Variants in PLCXD1 observed in about 807,000 individuals in gnomAD.
The protein encoded by PLCXD1 is PI-PLC X domain-containing protein 1.
Under a neutral mutation model 37.8 loss-of-function variants are expected in PLCXD1, and 45 were observed. The observed-to-expected ratio is 1.19, with a 90% CI of 0.94 to 1.53. PLCXD1 has a LOEUF of 1.53. Ranked by LOEUF, PLCXD1 falls within the 40% of genes most tolerant of loss-of-function variation. The pLI is 0.00. For missense variants in PLCXD1, 539 were observed against 454.7 expected (o/e 1.19, Z -1.69); for synonymous variants, 246 against 206.9 (o/e 1.19, Z -1.62).
In PLCXD1 at chrX:302,744, TTG is replaced by T. The variant is rs1420672946; in HGVS notation, c.*3415_*3416del. ...GCCCGCCACCACGCCCGGATAATTT[TTG>T]TGTGTTTAGCAGAGACGGGGTTTCA... On this transcript the variant is annotated 3_prime_UTR_variant, in exon 7 of 7. Transcript: ENST00000381657. 1 of 151,948 alleles carries T rather than the reference TTG, an allele frequency of 6.6e-6. No homozygotes were observed. Among genetic ancestry groups the T allele is most frequent in the Non-Finnish European group, 1.5e-5 (1 of 68,010 alleles). 9.4% of individuals were successfully genotyped at this position (151,948 alleles called of 1,614,324 possible). A position where few individuals can be genotyped will look rare whatever the true frequency, so the allele number is the denominator to read the frequency against.
chrX:285,718 C>T (rs2069433800), intron 2 of PLCXD1, among the ~76,000 whole-genome samples: 1 of 152,110 alleles, frequency 6.6e-6, no homozygotes, highest in South Asian at 2.1e-4. Context: ...CAGGCACACA[C>T]ATGCACACTC....
chrX:289,149 G>A (rs1218630933), intron 3 of PLCXD1, among the ~76,000 whole-genome samples: 8 of 151,918 alleles, frequency 5.3e-5, no homozygotes, highest in African/African-American at 9.7e-5. Context: ...GTGCAGTGGC[G>A]TGATCTCGGC....
At chrX:278,037 T>C (rs1361363128), upstream of PLCXD1, among the ~76,000 whole-genome samples, 1 of 65,044 alleles carries the variant, frequency 1.5e-5, no homozygotes, top group Non-Finnish European at 2.7e-5. Flanking sequence ...TGGGGACAGG[T>C]GTGGGGATAG....
intron 6 of PLCXD1, among the ~76,000 whole-genome samples, chrX:295,690 A>C (rs958088979): frequency 1.3e-5 from 2 of 151,086 alleles, no homozygotes; most frequent in African/African-American, 4.9e-5. Flanking sequence ...ACACCCGGCT[A>C]ATTTTTTTTT....
chrX:291,256 C>T (rs1283611563), intron 4 of PLCXD1, among the ~76,000 whole-genome samples: 4 of 151,944 alleles, frequency 2.6e-5, no homozygotes, highest in South Asian at 4.2e-4. Flanking sequence ...GGCAATTCTC[C>T]TGCCTCAGCC....
upstream of PLCXD1, among the ~76,000 whole-genome samples, chrX:278,823 C>T (rs2069204820): frequency 6.6e-6 from 1 of 151,858 alleles, no homozygotes; most frequent in Non-Finnish European, 1.5e-5. Flanking sequence ...GACCTGTGCC[C>T]TAGGTGGTCG....
At chrX:291,399 G>A in intron 4 of PLCXD1, 100 bp from the exon 5 acceptor site, 1 of 1,358,894 alleles carries the variant, frequency 7.4e-7, no homozygotes, top group South Asian at 1.2e-5. Flanking sequence ...ACCCGCCTCG[G>A]CCTCCCAAAT....
upstream of PLCXD1, among the ~76,000 whole-genome samples, chrX:278,310 G>C (rs1211809694): frequency 2.0e-5 from 3 of 152,094 alleles, no homozygotes; most frequent in Admixed American, 6.5e-5. Flanking sequence ...GACAGTAGCC[G>C]GAATGGATGG....
chrX:290,166 G>A (rs7058278), intron 3 of PLCXD1, among the ~76,000 whole-genome samples: 96,027 of 151,816 alleles, frequency 0.63, 31,946 homozygotes, highest in African/African-American at 0.84. Context: ...GGTGGCTCAC[G>A]CCTGTAATCC....
chrX:291,472 G>A lies in PLCXD1; in HGVS notation c.394-27G>A, dbSNP rs757333597. On this transcript the variant is annotated intron_variant, in intron 4 of 6. Transcript: ENST00000381657. ...TCCCTGTGGTGTTGGAGTCGTGCAG[G>A]ACTCAGCCCAGCACCCCCCTCCCCA... is the stretch of plus-strand genomic sequence containing the variant. 9.9e-6 allele frequency: 16 copies of A among 1,611,498 alleles called. No homozygotes were observed. In the South Asian group the frequency reaches 1.6e-4, roughly 17 times the overall value.
intron 2 of PLCXD1, among the ~76,000 whole-genome samples, chrX:287,772 T>C (rs2069505426): frequency 6.7e-6 from 1 of 148,414 alleles, no homozygotes; most frequent in Non-Finnish European, 1.5e-5. Flanking sequence ...GATATATTTA[T>C]ATCTATATTT....
chrX:289,542 T>TCG (rs1008722971), intron 3 of PLCXD1, among the ~76,000 whole-genome samples: 2 of 140,022 alleles, frequency 1.4e-5, no homozygotes, highest in Non-Finnish European at 3.0e-5. Flanking sequence ...AGACGGAGTC[T>TCG]CACTGCCGCC....
intron 6 of PLCXD1, among the ~76,000 whole-genome samples, chrX:293,500 C>G (rs770907874): frequency 6.6e-6 from 1 of 152,144 alleles, no homozygotes; most frequent in Non-Finnish European, 1.5e-5. Context: ...TGGTTCATGC[C>G]TGTCATCCTA....
intron 6 of PLCXD1, 48 bp from the exon 7 acceptor site, chrX:299,049 G>A (rs771511867): frequency 4.0e-5 from 54 of 1,365,004 alleles, no homozygotes; most frequent in South Asian, 3.7e-4. Context: ...AGAAACAGGC[G>A]GGTGAGGCCC....
intron 2 of PLCXD1, among the ~76,000 whole-genome samples, chrX:284,541 C>A (rs2069382612): frequency 6.6e-6 from 1 of 151,992 alleles, no homozygotes; most frequent in African/African-American, 2.4e-5. Context: ...GACATGCATA[C>A]ACACAGGCAT....
rs747976329 is a variant in PLCXD1 at position 284,292 on chromosome X, C to T, written c.105C>T (p.Pro35=). The T allele has an allele frequency of 6.2e-6, 10 of 1,613,228 alleles. No individual in the cohort carries two copies. In the African/African-American group the frequency reaches 6.7e-5, roughly 11 times the overall value. The part of the protein sequence containing the change: ...SALCPRLWDV[P]LHHLSIPGSH... The stretch of plus-strand genomic sequence containing the variant: ...TGTGTCCCCGGCTCTGGGATGTGCC[C>T]CTCCACCACCTCTCCATCCCAGGTG... The change falls in exon 2 of 7, where the codon CCC becomes CCT. Residue 35 remains proline, a synonymous_variant. Transcript: ENST00000381657.
upstream of PLCXD1, among the ~76,000 whole-genome samples, chrX:276,584 TGGCCTGGACGTTGGCAGCCACAGGC>T (rs1195179223): frequency 1.1e-4 from 17 of 152,108 alleles, no homozygotes; most frequent in African/African-American, 2.4e-5. Flanking sequence ...CTGGGATCTG[TGGCCTGGACGTTGGCAGCCACAGGC>T]GGCCTGCACC....
chrX:289,513 T>C (rs1296768205), intron 3 of PLCXD1, among the ~76,000 whole-genome samples: 7 of 83,534 alleles, frequency 8.4e-5, no homozygotes, highest in South Asian at 2.8e-4. Flanking sequence ...TTTCTTTCTT[T>C]TTCTTTTTTT....
At position 288,616 on chromosome X, in the gene PLCXD1, T is replaced by C. The variant is rs747348817; in HGVS notation, c.128-117T>C. The C allele has an allele frequency of 3.9e-3, 4,288 of 1,103,152 alleles. 28 individuals are homozygous for C. The highest frequency in any genetic ancestry group is 0.012 in the Middle Eastern group (45 of 3,814). 68.3% of individuals were successfully genotyped at this position (1,103,152 alleles called of 1,614,324 possible). A position where few individuals can be genotyped will look rare whatever the true frequency, so the allele number is the denominator to read the frequency against. On this transcript the variant is annotated intron_variant, in intron 2 of 6. Transcript: ENST00000381657. The stretch of plus-strand genomic sequence containing the variant: ...CAGCGTGCACCCCTCCCGCCATACC[T>C]GTGCCTGTGCTGTGGGCGGGCAGCA...
Sources: allele counts gnomAD v4.1 joint callset (sites outside exome capture counted in the v4.1 genomes callset), GRCh38; gene constraint gnomAD v4.1.1; transcripts MANE v1.5; gene names NCBI Gene and HGNC (gene_info 2026-07-23, HGNC 2026-07-21).